Variants in ARHGEF11 observed in about 807,000 individuals in gnomAD.
ARHGEF11 encodes the protein Rho guanine exchange factor (GEF) 11.
In ARHGEF11, 55 loss-of-function variants were observed where a neutral mutation model predicts 193.7. That is an observed-to-expected ratio of 0.28 (90% confidence interval 0.23 to 0.36). The LOEUF (loss-of-function observed/expected upper bound fraction) is 0.36, where lower values mean the gene tolerates loss of function less well. Ranked by LOEUF, ARHGEF11 falls within the 10% of genes least tolerant of loss-of-function variation. The pLI, the probability that ARHGEF11 is intolerant of heterozygous loss-of-function variation, is 1.00. For missense variants in ARHGEF11, 1,723 were observed against 2,005.6 expected, an observed-to-expected ratio of 0.86 and a Z score of 2.69; for synonymous variants, 693 against 768.0, an observed-to-expected ratio of 0.90 and a Z score of 1.62.
Position 156,946,726 on chromosome 1 carries a change from G to A in ARHGEF11, c.2630C>T (p.Ser877Leu). 4.3e-6 allele frequency: 7 copies of A among 1,614,182 alleles called. No individual in the cohort carries two copies. The highest frequency in any genetic ancestry group is 5.9e-6 in the Non-Finnish European group (7 of 1,180,034). ...QVAAQFCSYQSIALELIKTKQ... is the reference protein window; with the variant it reads ...QVAAQFCSYQLIALELIKTKQ... The stretch of plus-strand genomic sequence containing the variant: ...GGTCTTGATTAGCTCTAGGGCTATT[G>A]ACTGATAGGAACAGAACTGTGCAGC... The change falls in exon 28 of 41, where the codon TCA becomes TTA. Residue 877 changes from serine (S) to leucine (L), a missense_variant. Physicochemically the swap from Ser to Leu is moderately radical, Grantham distance 145. Transcript: ENST00000368194.
rs1229742667 is a variant in ARHGEF11, at chr1:156,956,778, CAAGAAT to C, written c.1527-220_1527-215del. Among the ~76,000 whole-genome samples the C allele has an allele frequency of 2.0e-5, 3 of 152,288 alleles. No individual in the cohort carries two copies. In the East Asian group the frequency reaches 5.8e-4, roughly 29 times the overall value. ...TCCACACAGTGAGCCCACAGGTAACCAAGAATAAGACTTTTCCCAGGAGAAGTCTTA... is the reference window on the plus strand; with the variant it reads ...TCCACACAGTGAGCCCACAGGTAACCAAGACTTTTCCCAGGAGAAGTCTTA... On this transcript the variant is annotated intron_variant, in intron 18 of 40. Transcript: ENST00000368194.
In ARHGEF11 at chr1:156,938,440, C is replaced by T. The variant is rs1342856412; in HGVS notation, c.4170G>A (p.Val1390=). 6.2e-7 allele frequency: 1 copy of T among 1,613,802 alleles called. No homozygotes were observed. Among genetic ancestry groups the T allele is most frequent in the East Asian group, 2.2e-5 (1 of 44,856 alleles). ...SGQSEPGPPE[V]EGGTKATGNC... The stretch of plus-strand genomic sequence containing the variant: ...TACCCGTAGCCTTTGTTCCGCCTTC[C>T]ACTTCAGGTGGCCCAGGCTCTGACT... Residue 1390 remains valine (V), a synonymous_variant, in exon 38 of 41, where the codon GTG becomes GTA. Coordinates refer to ENST00000368194, the MANE Select transcript of ARHGEF11 (RefSeq NM_198236.3).
chr1:156,942,605 T>C (rs1657255879), intron 33 of ARHGEF11, 85 bp downstream of exon 33: 1 of 1,270,164 alleles, frequency 7.9e-7, no homozygotes, highest in East Asian at 2.4e-5. Flanking sequence ...GGCCCAAACC[T>C]GGCCTTGCTA....
intron 1 of ARHGEF11, among the ~76,000 whole-genome samples, chr1:157,037,348 T>C (rs1262206802): frequency 2.6e-5 from 4 of 152,150 alleles, no homozygotes; most frequent in African/African-American, 9.7e-5. Flanking sequence ...ATTCTCTCTT[T>C]AAACACTATG....
At chr1:157,007,899 G>GTTTTTTTTTTTTTTTTTTTTTTT (rs11290114) in intron 1 of ARHGEF11, among the ~76,000 whole-genome samples, 2 of 128,946 alleles carry the variant, frequency 1.6e-5, no homozygotes. Flanking sequence ...GAAGGCAAAG[G>GTTTTTTTTTTTTTTTTTTTTTTT]TTTTTTTTTT....
chr1:157,021,288 C>T (rs750200664), intron 1 of ARHGEF11, among the ~76,000 whole-genome samples: 1 of 152,154 alleles, frequency 6.6e-6, no homozygotes, highest in Non-Finnish European at 1.5e-5. Context: ...AAGCCTTTAT[C>T]AAGTATGTGT....
At chr1:156,972,300 G>A (rs2102319057) in intron 7 of ARHGEF11, among the ~76,000 whole-genome samples, 1 of 152,342 alleles carries the variant, frequency 6.6e-6, no homozygotes, top group Middle Eastern at 3.4e-3. Context: ...TACCATCCTA[G>A]CCACTTATCT....
chr1:156,970,896 C>T (rs894523573), intron 8 of ARHGEF11, among the ~76,000 whole-genome samples: 3 of 152,210 alleles, frequency 2.0e-5, no homozygotes, highest in Non-Finnish European at 4.4e-5. Context: ...AAGTCCACAA[C>T]CTGAGCTCCT....
At chr1:156,971,640 C>T in intron 8 of ARHGEF11, 57 bp downstream of exon 8, 2 of 1,568,446 alleles carry the variant, frequency 1.3e-6, no homozygotes, top group African/African-American at 1.3e-5. Context: ...TTTTCCCTCA[C>T]TCTACCCCCA....
At chr1:156,995,150 G>T (rs1464759060) in intron 1 of ARHGEF11, among the ~76,000 whole-genome samples, 1 of 152,164 alleles carries the variant, frequency 6.6e-6, no homozygotes, top group African/African-American at 2.4e-5. Context: ...TCACCTAGAA[G>T]AACTGGCCTC....
At chr1:156,990,811 C>A (rs1164139595) in intron 1 of ARHGEF11, among the ~76,000 whole-genome samples, 3 of 152,132 alleles carry the variant, frequency 2.0e-5, no homozygotes, top group Admixed American at 6.5e-5. Flanking sequence ...TGCTTTCTGG[C>A]ACAAAAAGAT....
chr1:156,969,499 C>A, intron 9 of ARHGEF11, 141 bp from the exon 10 acceptor site: 1 of 738,742 alleles, frequency 1.4e-6, no homozygotes, highest in South Asian at 1.7e-5. Flanking sequence ...GCTCTCTCAT[C>A]CCATGACCTC....
At chr1:156,961,835 C>T in intron 13 of ARHGEF11, 60 bp from the exon 14 acceptor site, 1 of 1,496,380 alleles carries the variant, frequency 6.7e-7, no homozygotes, top group East Asian at 2.3e-5. Flanking sequence ...ATTTTGCCCC[C>T]TAGGGGACGT....
intron 1 of ARHGEF11, among the ~76,000 whole-genome samples, chr1:157,021,714 A>G (rs909231034): frequency 2.0e-5 from 3 of 152,248 alleles, no homozygotes; most frequent in African/African-American, 7.2e-5. Flanking sequence ...CAGGCAAACA[A>G]CTTATGCCTC....
intron 1 of ARHGEF11, among the ~76,000 whole-genome samples, chr1:157,035,115 G>A (rs1671750859): frequency 6.6e-6 from 1 of 152,142 alleles, no homozygotes; most frequent in Non-Finnish European, 1.5e-5. Flanking sequence ...CCAAGCTGGG[G>A]AGCTTGGGCT....
At chr1:157,019,941 A>G (rs1351469104) in intron 1 of ARHGEF11, among the ~76,000 whole-genome samples, 1 of 152,112 alleles carries the variant, frequency 6.6e-6, no homozygotes, top group Non-Finnish European at 1.5e-5. Flanking sequence ...CCTGGCTAAC[A>G]TGGTGAAACC....
chr1:156,953,376 T>G (rs1376553359), intron 21 of ARHGEF11, among the ~76,000 whole-genome samples: 1 of 152,136 alleles, frequency 6.6e-6, no homozygotes, highest in Admixed American at 6.5e-5. Flanking sequence ...AGTTCAAGGC[T>G]GTAGTAAGCT....
chr1:157,016,942 C>A (rs1383794674), intron 1 of ARHGEF11, among the ~76,000 whole-genome samples: 1 of 152,138 alleles, frequency 6.6e-6, no homozygotes, highest in African/African-American at 2.4e-5. Flanking sequence ...CCCCAAGTAG[C>A]TGGGACTACA....
At chr1:156,989,198 GAC>G (rs1665371093) in intron 1 of ARHGEF11, among the ~76,000 whole-genome samples, 2 of 151,994 alleles carry the variant, frequency 1.3e-5, no homozygotes, top group South Asian at 4.2e-4. Context: ...GCACCACTGA[GAC>G]AGATTTTCTG....
Sources: allele counts gnomAD v4.1 joint callset (sites outside exome capture counted in the v4.1 genomes callset), GRCh38; gene constraint gnomAD v4.1.1; transcripts MANE v1.5; gene names NCBI Gene and HGNC (gene_info 2026-07-23, HGNC 2026-07-21).